The following MARCHF1 variants were observed in gnomAD, a reference collection of about 807,000 sequenced individuals.
MARCHF1 encodes the protein E3 ubiquitin-protein ligase MARCHF1.
In MARCHF1, 40 loss-of-function variants were observed where a neutral mutation model predicts 54.2. The observed-to-expected ratio is 0.74, with a 90% CI of 0.57 to 0.96. The LOEUF is 0.96. Among genes scored for constraint, MARCHF1 ranks in the 40% least tolerant of loss-of-function variants. The pLI, the probability that MARCHF1 is intolerant of heterozygous loss-of-function variation, is 0.00. For synonymous variants in MARCHF1, 236 were observed against 236.3 expected (o/e 1.00, Z 0.01); for missense variants, 586 against 656.5 (o/e 0.89, Z 1.17).
At chr4:163,936,793 A>G (rs1377026047) in intron 3 of MARCHF1, among the ~76,000 whole-genome samples, 2 of 152,060 alleles carry the variant, frequency 1.3e-5, no homozygotes, top group Non-Finnish European at 2.9e-5. Context: ...CTGCCTTTTC[A>G]TTTTCCTCAG....
At chr4:163,550,243 C>G (rs1429511267) in intron 8 of MARCHF1, among the ~76,000 whole-genome samples, 1 of 145,884 alleles carries the variant, frequency 6.9e-6, no homozygotes, top group Non-Finnish European at 1.5e-5. Context: ...GATCGCGCCA[C>G]TGCACTCCAG....
At chr4:163,990,144 A>G (rs911116000) in intron 2 of MARCHF1, among the ~76,000 whole-genome samples, 3 of 152,224 alleles carry the variant, frequency 2.0e-5, no homozygotes, top group Non-Finnish European at 2.9e-5. Flanking sequence ...TTCAATTTAA[A>G]TATTCACACT....
rs1345851483 is a variant in MARCHF1 at position 163,952,114 on chromosome 4, A to C, written c.-39+36387T>G. On this transcript the variant is annotated intron_variant, in intron 3 of 9. Coordinates refer to ENST00000514618, the MANE Select transcript of MARCHF1 (RefSeq NM_001394959.1). ...ATCGCTTGTTTTTCCCCAAGTAAGC[A>C]TCAGGCCATGAGAAACATATATTTG... 3.3e-5 allele frequency among the ~76,000 whole-genome samples: 5 copies of C among 152,310 alleles called. No homozygotes were observed. The East Asian group carries it at 9.6e-4, about 29-fold the overall frequency.
intron 2 of MARCHF1, among the ~76,000 whole-genome samples, chr4:164,085,485 T>C (rs1233681635): frequency 1.3e-5 from 2 of 151,834 alleles, no homozygotes; most frequent in African/African-American, 4.8e-5. Flanking sequence ...AGGTTCTGAA[T>C]ACTCAGATAG....
rs1468265852 is a variant in MARCHF1 at position 163,529,047 on chromosome 4, C to T, written c.1340-1G>A. The T allele has an allele frequency of 6.3e-7, 1 of 1,589,284 alleles. No individual in the cohort carries two copies. Among genetic ancestry groups the T allele is most frequent in the Non-Finnish European group, 8.6e-7 (1 of 1,166,092 alleles). On this transcript the variant is annotated splice_acceptor_variant, in intron 9 of 9. Coordinates refer to ENST00000514618, the MANE Select transcript of MARCHF1 (RefSeq NM_001394959.1). LOFTEE classifies it high-confidence loss of function. ...GTCCAAAATGGCCATTCAAGGACAC[C>T]TTTGAAATGAAAAAGAGAAAATGTT...
At chr4:164,061,990 T>C (rs1754627393) in intron 2 of MARCHF1, among the ~76,000 whole-genome samples, 1 of 152,218 alleles carries the variant, frequency 6.6e-6, no homozygotes, top group East Asian at 1.9e-4. Flanking sequence ...TAGTATGTGT[T>C]TGATAGAATT....
intron 4 of MARCHF1, among the ~76,000 whole-genome samples, chr4:163,742,343 C>T (rs1351923614): frequency 6.8e-6 from 1 of 147,780 alleles, no homozygotes; most frequent in Non-Finnish European, 1.5e-5. Context: ...TCCCTCCCTC[C>T]CTCTCTCCCT....
intron 3 of MARCHF1, among the ~76,000 whole-genome samples, chr4:163,907,635 G>A (rs1056460507): frequency 5.9e-5 from 9 of 152,132 alleles, no homozygotes; most frequent in South Asian, 2.1e-4. Context: ...ATAATCATGC[G>A]TGAGAAAATG....
In MARCHF1 at chr4:164,002,285, C is replaced by T. The variant is rs917779881; in HGVS notation, c.-247-13576G>A. ...ATGTCAAAGAGTCCAAAAATGGAGACGATTAAGTTAGCAGACAAGCAGTTA... is the reference window on the plus strand; with the variant it reads ...ATGTCAAAGAGTCCAAAAATGGAGATGATTAAGTTAGCAGACAAGCAGTTA... On this transcript the variant is annotated intron_variant, in intron 2 of 9. Coordinates refer to ENST00000514618, the MANE Select transcript of MARCHF1 (RefSeq NM_001394959.1). Among the ~76,000 whole-genome samples, 15 of 150,618 alleles carry T rather than the reference C, an allele frequency of 1.0e-4. 1 individual carries two copies. The South Asian group carries it at 1.3e-3, about 13-fold the overall frequency.
At chr4:164,240,681 T>G (rs542384601) in intron 1 of MARCHF1, among the ~76,000 whole-genome samples, 1 of 152,234 alleles carries the variant, frequency 6.6e-6, no homozygotes, top group East Asian at 1.9e-4. Context: ...ATCTTGCTTC[T>G]AACCTCACAA....
rs570826081 is a variant in MARCHF1, at chr4:164,204,169, C to T, written c.-322-92507G>A. ...GATAGATAGGTGCTAAATTGAAGTACGTGGCGTGAAGTCTCATCAAACGTC... is the reference window on the plus strand; with the variant it reads ...GATAGATAGGTGCTAAATTGAAGTATGTGGCGTGAAGTCTCATCAAACGTC... On this transcript the variant is annotated intron_variant, in intron 1 of 9. Transcript: ENST00000514618. 1.8e-4 allele frequency among the ~76,000 whole-genome samples: 27 copies of T among 152,174 alleles called. No homozygotes were observed. The South Asian group carries it at 4.8e-3, about 27-fold the overall frequency.
At chr4:164,278,565 A>G (rs1279660227) in intron 1 of MARCHF1, among the ~76,000 whole-genome samples, 2 of 152,234 alleles carry the variant, frequency 1.3e-5, no homozygotes, top group African/African-American at 4.8e-5. Flanking sequence ...AAGATTGTTC[A>G]AATATGGCTC....
chr4:164,383,985 C>A lies in MARCHF1; in HGVS notation c.-438G>T, dbSNP rs190559215. The A allele has an allele frequency of 6.6e-6, 1 of 152,392 alleles. No individual in the cohort carries two copies. Among genetic ancestry groups the A allele is most frequent in the African/African-American group, 2.4e-5 (1 of 41,584 alleles). The allele number at this position is 152,392 out of a possible 1,614,324, so 9.4% of individuals were successfully genotyped here. ...GGGTGGAGCGCTCCTCCCCAGCTAG[C>A]GGACGAGCAGCCGGGTGGCAGGCAG... On this transcript the variant is annotated 5_prime_UTR_variant, in exon 1 of 10. Coordinates refer to ENST00000514618, the MANE Select transcript of MARCHF1 (RefSeq NM_001394959.1).
intron 1 of MARCHF1, among the ~76,000 whole-genome samples, chr4:164,119,282 C>A (rs1756012299): frequency 6.6e-6 from 1 of 150,506 alleles, no homozygotes; most frequent in South Asian, 2.1e-4. Context: ...TAATTAAAAT[C>A]AAAATTAAAA....
chr4:163,944,491 G>T (rs1365043558), intron 3 of MARCHF1, among the ~76,000 whole-genome samples: 2 of 152,146 alleles, frequency 1.3e-5, no homozygotes, highest in African/African-American at 4.8e-5. Context: ...CAGTTTTTGG[G>T]TAACTCTGAT....
intron 4 of MARCHF1, among the ~76,000 whole-genome samples, chr4:163,740,348 A>C (rs1220451637): frequency 2.0e-5 from 3 of 152,196 alleles, no homozygotes; most frequent in African/African-American, 7.2e-5. Flanking sequence ...ATTTTACCTT[A>C]CTTGCAAGCT....
chr4:163,763,497 CG>C (rs555590538), intron 4 of MARCHF1, among the ~76,000 whole-genome samples: 22 of 152,030 alleles, frequency 1.4e-4, no homozygotes, highest in Non-Finnish European at 2.8e-4. Flanking sequence ...TGCAGATACT[CG>C]TTTTTCTCAG....
intron 3 of MARCHF1, among the ~76,000 whole-genome samples, chr4:163,875,874 AC>A (rs1191932102): frequency 6.6e-6 from 1 of 152,094 alleles, no homozygotes; most frequent in Non-Finnish European, 1.5e-5. Context: ...AATTTAGCAA[AC>A]CTTGGAAGGC....
At chr4:163,544,379 G>T (rs1738822676) in intron 9 of MARCHF1, among the ~76,000 whole-genome samples, 1 of 152,126 alleles carries the variant, frequency 6.6e-6, no homozygotes, top group African/African-American at 2.4e-5. Flanking sequence ...TGTTTTTCTA[G>T]CATTTAGACT....
Sources: allele counts gnomAD v4.1 joint callset (sites outside exome capture counted in the v4.1 genomes callset), GRCh38; gene constraint gnomAD v4.1.1; transcripts MANE v1.5; gene names NCBI Gene and HGNC (gene_info 2026-07-23, HGNC 2026-07-21).